The following FARP1 variants were observed in gnomAD, a reference collection of about 807,000 sequenced individuals.
FARP1 encodes FERM, ARHGEF and pleckstrin domain-containing protein 1.
In FARP1, 52 loss-of-function variants were observed where a neutral mutation model predicts 128.8. That is an observed-to-expected ratio of 0.40 (90% CI 0.32 to 0.51). FARP1 has a LOEUF of 0.51. FARP1 is among the 20% of genes least tolerant of loss of function. The probability of loss-of-function intolerance (pLI) is 0.45; values close to 1 mark genes in which losing one functional copy is unlikely to be tolerated. For missense variants in FARP1, 1,333 were observed against 1,367.9 expected, an observed-to-expected ratio of 0.97 and a Z score of 0.40; for synonymous variants, 580 against 551.8, an observed-to-expected ratio of 1.05 and a Z score of -0.72.
intron 2 of FARP1, among the ~76,000 whole-genome samples, chr13:98,244,161 G>C (rs1882931894): frequency 6.6e-6 from 1 of 152,168 alleles, no homozygotes; most frequent in South Asian, 2.1e-4. Context: ...AAGTTGAACA[G>C]AATTGGGTAC....
chr13:98,151,368 A>T (rs774331713), intron 1 of FARP1, among the ~76,000 whole-genome samples: 2 of 152,028 alleles, frequency 1.3e-5, no homozygotes, highest in Non-Finnish European at 2.9e-5. Context: ...CCATCTGGAG[A>T]GGGGGACATT....
Position 98,450,343 on chromosome 13 carries a change from T to C in FARP1, c.*2026T>C, listed in dbSNP as rs918954690. On this transcript the variant is annotated 3_prime_UTR_variant, in exon 27 of 27. Transcript: ENST00000319562. ...TTTTAAAGGAGGGAAATATAAAAAA[T>C]GTTTATAAACTGACAGTGTTTTGCC... The C allele has an allele frequency of 6.6e-6, 1 of 152,170 alleles. No homozygotes were observed. Among genetic ancestry groups the C allele is most frequent in the African/African-American group, 2.4e-5 (1 of 41,438 alleles). 9.4% of individuals were successfully genotyped at this position (152,170 alleles called of 1,614,324 possible). A position where few individuals can be genotyped will look rare whatever the true frequency, so the allele number is the denominator to read the frequency against.
intron 1 of FARP1, among the ~76,000 whole-genome samples, chr13:98,151,980 A>G (rs1156721988): frequency 6.6e-6 from 1 of 152,030 alleles, no homozygotes; most frequent in Non-Finnish European, 1.5e-5. Flanking sequence ...CATCTTTGAC[A>G]TTGGACAAGT....
chr13:98,154,798 C>T (rs901973693), intron 1 of FARP1, among the ~76,000 whole-genome samples: 1 of 152,192 alleles, frequency 6.6e-6, no homozygotes, highest in African/African-American at 2.4e-5. Flanking sequence ...TGACACATTA[C>T]CCCCAAAGCT....
intron 6 of FARP1, 26 bp from the exon 7 acceptor site, chr13:98,384,704 C>T: frequency 2.8e-6 from 4 of 1,404,226 alleles, no homozygotes; most frequent in Non-Finnish European, 4.0e-6. Flanking sequence ...CCTACGTGAC[C>T]TGTTTTTCTT....
intron 3 of FARP1, among the ~76,000 whole-genome samples, chr13:98,348,602 C>G (rs1472747088): frequency 6.6e-6 from 1 of 152,260 alleles, no homozygotes; most frequent in Non-Finnish European, 1.5e-5. Flanking sequence ...TTGTTACACT[C>G]AACTCTGTCT....
At chr13:98,416,396 GA>G (rs1223389306) in intron 16 of FARP1, among the ~76,000 whole-genome samples, 2 of 152,222 alleles carry the variant, frequency 1.3e-5, no homozygotes, top group Non-Finnish European at 1.5e-5. Context: ...TTACAGGGCA[GA>G]GAAAGTCTCA....
At chr13:98,331,247 A>G (rs892690678) in intron 2 of FARP1, among the ~76,000 whole-genome samples, 1 of 152,202 alleles carries the variant, frequency 6.6e-6, no homozygotes, top group Non-Finnish European at 1.5e-5. Context: ...CTTTTGTTAT[A>G]TGCTTATTTG....
intron 1 of FARP1, among the ~76,000 whole-genome samples, chr13:98,148,650 A>C (rs1032566512): frequency 6.6e-6 from 1 of 152,176 alleles, no homozygotes; most frequent in African/African-American, 2.4e-5. Flanking sequence ...AAATTCTGTT[A>C]GCATCTGTTG....
At chr13:98,345,734 C>T (rs1401822290) in intron 3 of FARP1, 1 of 152,258 alleles carries the variant, frequency 6.6e-6, no homozygotes, top group Non-Finnish European at 1.5e-5. Flanking sequence ...AGGGGTCACA[C>T]CTTCTTTGTA....
intron 1 of FARP1, among the ~76,000 whole-genome samples, chr13:98,197,870 C>T (rs532904447): frequency 7.2e-5 from 11 of 152,118 alleles, no homozygotes; most frequent in African/African-American, 2.4e-4. Flanking sequence ...CTCCTGACCT[C>T]GTGATCCGTT....
chr13:98,416,610 T>A (rs1178442762), intron 16 of FARP1, among the ~76,000 whole-genome samples: 1 of 152,198 alleles, frequency 6.6e-6, no homozygotes, highest in African/African-American at 2.4e-5. Flanking sequence ...CAGGAGTTCT[T>A]TTCCTTGTGA....
At chr13:98,368,471 A>G (rs1457886674) in intron 5 of FARP1, among the ~76,000 whole-genome samples, 2 of 152,204 alleles carry the variant, frequency 1.3e-5, no homozygotes, top group East Asian at 1.9e-4. Flanking sequence ...CTTATATGTC[A>G]CATCATGGAC....
At position 98,376,236 on chromosome 13, in the gene FARP1, A is replaced by G. The variant is rs1025776228; in HGVS notation, c.399-1585A>G. Among the ~76,000 whole-genome samples the G allele has an allele frequency of 1.8e-4, 28 of 152,204 alleles. 1 individual carries two copies. The highest frequency in any genetic ancestry group is 6.3e-4 in the African/African-American group (26 of 41,536). On this transcript the variant is annotated intron_variant, in intron 5 of 26. Coordinates refer to ENST00000319562, the MANE Select transcript of FARP1 (RefSeq NM_005766.4). Reference sequence around the variant, plus strand: ...TCAAATATTAGATCTTATTCATTCTATCTCATTTTTTTGGACCCATTAACT... The same window carrying G: ...TCAAATATTAGATCTTATTCATTCTGTCTCATTTTTTTGGACCCATTAACT...
chr13:98,422,234 G>A (rs1381455582), intron 16 of FARP1, among the ~76,000 whole-genome samples: 1 of 152,216 alleles, frequency 6.6e-6, no homozygotes, highest in Non-Finnish European at 1.5e-5. Flanking sequence ...GGAGGGCCAC[G>A]CAGTGGGGCC....
At chr13:98,240,934 A>G (rs1006924291) in intron 2 of FARP1, among the ~76,000 whole-genome samples, 15 of 152,194 alleles carry the variant, frequency 9.9e-5, no homozygotes, top group African/African-American at 3.4e-4. Flanking sequence ...TAGGAGTTAC[A>G]AGATCTGAAG....
At chr13:98,309,260 G>A (rs1373651864) in intron 2 of FARP1, among the ~76,000 whole-genome samples, 2 of 132,504 alleles carry the variant, frequency 1.5e-5, no homozygotes, top group Non-Finnish European at 3.1e-5. Flanking sequence ...TCCGCCTCCC[G>A]GGTTCACGCC....
At chr13:98,174,329 C>T (rs537896692) in intron 1 of FARP1, among the ~76,000 whole-genome samples, 10 of 152,274 alleles carry the variant, frequency 6.6e-5, no homozygotes, top group East Asian at 1.9e-4. Flanking sequence ...ACAAGGTTCA[C>T]GAGCGTAGCT....
At chr13:98,151,416 G>A (rs146083369) in intron 1 of FARP1, among the ~76,000 whole-genome samples, 17 of 152,068 alleles carry the variant, frequency 1.1e-4, no homozygotes, top group Non-Finnish European at 1.2e-4. Flanking sequence ...TCTTTTTATC[G>A]GTGTATTCTC....
Sources: allele counts gnomAD v4.1 joint callset (sites outside exome capture counted in the v4.1 genomes callset), GRCh38; gene constraint gnomAD v4.1.1; transcripts MANE v1.5; gene names NCBI Gene and HGNC (gene_info 2026-07-23, HGNC 2026-07-21).